The following HCN1 variants were observed in gnomAD, a reference collection of about 807,000 sequenced individuals.
HCN1 encodes hyperpolarization activated cyclic nucleotide gated potassium channel 1.
HCN1 carries 13 observed loss-of-function variants against 78.9 expected under a neutral mutation model. That is an observed-to-expected ratio of 0.16 (90% CI 0.11 to 0.26). The LOEUF (loss-of-function observed/expected upper bound fraction) is 0.26. HCN1 is among the 10% of genes least tolerant of loss of function. The probability of loss-of-function intolerance (pLI) is 1.00; values close to 1 mark genes in which losing one functional copy is unlikely to be tolerated. For synonymous variants in HCN1, 552 were observed against 455.5 expected (o/e 1.21, Z -2.70); for missense variants, 810 against 1,154.3 (o/e 0.70, Z 4.32).
intron 5 of HCN1, among the ~76,000 whole-genome samples, chr5:45,348,447 A>C (rs890788294): frequency 2.0e-5 from 3 of 152,186 alleles, no homozygotes; most frequent in African/African-American, 7.2e-5. Flanking sequence ...GCTAGGAAGA[A>C]ACTGCATCAA....
chr5:45,382,427 A>G (rs1747829467), intron 4 of HCN1, among the ~76,000 whole-genome samples: 1 of 152,182 alleles, frequency 6.6e-6, no homozygotes, highest in Non-Finnish European at 1.5e-5. Flanking sequence ...ATGAATTAAT[A>G]TATGAATTAA....
intron 6 of HCN1, among the ~76,000 whole-genome samples, chr5:45,279,714 A>C (rs1745123978): frequency 6.6e-6 from 1 of 152,104 alleles, no homozygotes; most frequent in Admixed American, 6.6e-5. Context: ...ATTTCCACCT[A>C]ATTATTTTGA....
intron 6 of HCN1, among the ~76,000 whole-genome samples, chr5:45,297,224 A>C (rs2111894568): frequency 6.6e-6 from 1 of 152,262 alleles, no homozygotes; most frequent in Non-Finnish European, 1.5e-5. Flanking sequence ...TAACTGCAGC[A>C]GGGACACACC....
intron 1 of HCN1, among the ~76,000 whole-genome samples, chr5:45,667,502 A>G (rs1746073986): frequency 6.6e-6 from 1 of 152,052 alleles, no homozygotes; most frequent in Non-Finnish European, 1.5e-5. Flanking sequence ...ATGAGTTGAA[A>G]AACATTTTAA....
At chr5:45,287,884 C>A (rs530205306) in intron 6 of HCN1, among the ~76,000 whole-genome samples, 17 of 152,208 alleles carry the variant, frequency 1.1e-4, no homozygotes, top group African/African-American at 3.9e-4. Context: ...TTATACTACA[C>A]TGGCCCTTTC....
intron 5 of HCN1, among the ~76,000 whole-genome samples, chr5:45,324,043 C>A (rs1746182180): frequency 6.6e-6 from 1 of 151,826 alleles, no homozygotes; most frequent in African/African-American, 2.4e-5. Context: ...GTCTTTATAG[C>A]TGCATGATTT....
intron 2 of HCN1, among the ~76,000 whole-genome samples, chr5:45,488,905 G>T (rs1217011652): frequency 6.6e-6 from 1 of 152,144 alleles, no homozygotes; most frequent in Non-Finnish European, 1.5e-5. Flanking sequence ...CACCTGAAGG[G>T]CACTGCAGTT....
chr5:45,667,465 T>C (rs1746071367), intron 1 of HCN1, among the ~76,000 whole-genome samples: 1 of 152,014 alleles, frequency 6.6e-6, no homozygotes, highest in Non-Finnish European at 1.5e-5. Flanking sequence ...CTGAAAACTA[T>C]AATTCCAAGA....
intron 2 of HCN1, among the ~76,000 whole-genome samples, chr5:45,619,566 G>A (rs1745019390): frequency 6.6e-6 from 1 of 151,950 alleles, no homozygotes; most frequent in Non-Finnish European, 1.5e-5. Context: ...GAATTAGCTG[G>A]GGAAGATTTC....
chr5:45,384,645 C>A (rs1320692608), intron 4 of HCN1, among the ~76,000 whole-genome samples: 2 of 152,046 alleles, frequency 1.3e-5, no homozygotes, highest in Non-Finnish European at 2.9e-5. Flanking sequence ...GGAAAAAAAT[C>A]TTAGAATAAT....
intron 3 of HCN1, among the ~76,000 whole-genome samples, chr5:45,441,193 G>C (rs2111567804): frequency 6.6e-6 from 1 of 152,178 alleles, no homozygotes; most frequent in Non-Finnish European, 1.5e-5. Flanking sequence ...TGTGCTGCTT[G>C]ACATATTTTA....
intron 7 of HCN1, among the ~76,000 whole-genome samples, chr5:45,266,200 GTATA>G (rs1485969476): frequency 6.6e-6 from 1 of 152,070 alleles, no homozygotes; most frequent in Non-Finnish European, 1.5e-5. Context: ...CCTAATGGTT[GTATA>G]TATATATTTT....
At chr5:45,562,956 A>G (rs1743635152) in intron 2 of HCN1, among the ~76,000 whole-genome samples, 1 of 152,254 alleles carries the variant, frequency 6.6e-6, no homozygotes, top group African/African-American at 2.4e-5. Flanking sequence ...AAGAAAGGAC[A>G]TATTTAGCAT....
At chr5:45,676,372 T>C (rs1221437512) in intron 1 of HCN1, among the ~76,000 whole-genome samples, 2 of 151,712 alleles carry the variant, frequency 1.3e-5, no homozygotes, top group African/African-American at 2.4e-5. Flanking sequence ...TTTTTATTGG[T>C]CAATCAGATA....
intron 4 of HCN1, among the ~76,000 whole-genome samples, chr5:45,374,100 T>C (rs1579851414): frequency 9.1e-6 from 1 of 109,800 alleles, no homozygotes; most frequent in Non-Finnish European, 1.8e-5. Flanking sequence ...ATGTATATAA[T>C]ATATATTATA....
chr5:45,586,465 C>T lies in HCN1; in HGVS notation c.849+58720G>A, dbSNP rs552898855. On this transcript the variant is annotated intron_variant, in intron 2 of 7. Coordinates refer to ENST00000303230, the MANE Select transcript of HCN1 (RefSeq NM_021072.4). ...GGAAAGGGAATTCCCTGACCCCTTG[C>T]GCTTCCCGGGTGAGGCGATGCCTCA... Among the ~76,000 whole-genome samples the T allele has an allele frequency of 1.4e-4, 22 of 152,250 alleles. No individual in the cohort carries two copies. The South Asian group carries it at 2.1e-3, about 14-fold the overall frequency.
At chr5:45,578,756 G>A (rs1357094112) in intron 2 of HCN1, among the ~76,000 whole-genome samples, 2 of 151,834 alleles carry the variant, frequency 1.3e-5, no homozygotes, top group Non-Finnish European at 2.9e-5. Flanking sequence ...ACAAACAGCC[G>A]AAGTTACACA....
chr5:45,582,529 T>C (rs1020958206), intron 2 of HCN1, among the ~76,000 whole-genome samples: 1 of 152,106 alleles, frequency 6.6e-6, no homozygotes, highest in Non-Finnish European at 1.5e-5. Flanking sequence ...TCCTGCCTGA[T>C]TGCCCTGGCC....
intron 3 of HCN1, among the ~76,000 whole-genome samples, chr5:45,460,114 T>G (rs1371473903): frequency 1.3e-5 from 2 of 152,172 alleles, no homozygotes; most frequent in Non-Finnish European, 2.9e-5. Flanking sequence ...TTCTAGGCAC[T>G]TTCTATGGTC....
Sources: allele counts gnomAD v4.1 joint callset (sites outside exome capture counted in the v4.1 genomes callset), GRCh38; gene constraint gnomAD v4.1.1; transcripts MANE v1.5; gene names NCBI Gene and HGNC (gene_info 2026-07-23, HGNC 2026-07-21).